SOS1: variants seen among roughly 807,000 people sequenced by gnomAD.
The protein encoded by SOS1 is SOS Ras/Rac guanine nucleotide exchange factor 1.
Under a neutral mutation model 157.6 loss-of-function variants are expected in SOS1, and 25 were observed. The ratio of observed to expected loss-of-function variants is 0.16; its 90% CI spans 0.12 to 0.22. The LOEUF is 0.22. Ranked by LOEUF, SOS1 falls within the 10% of genes least tolerant of loss-of-function variation. The pLI, the probability that SOS1 is intolerant of heterozygous loss-of-function variation, is 1.00. For missense variants in SOS1, 1,237 were observed against 1,599.1 expected, an observed-to-expected ratio of 0.77 and a Z score of 3.86; for synonymous variants, 528 against 534.0, an observed-to-expected ratio of 0.99 and a Z score of 0.16.
chr2:39,063,497 C>A (rs773661630), intron 2 of SOS1, among the ~76,000 whole-genome samples: 13 of 152,154 alleles, frequency 8.5e-5, no homozygotes, highest in Non-Finnish European at 1.9e-4. Flanking sequence ...TGCAACACTG[C>A]CTGATGGTAA....
chr2:38,994,550 T>A (rs1197852748), intron 20 of SOS1, among the ~76,000 whole-genome samples: 1 of 152,224 alleles, frequency 6.6e-6, no homozygotes, highest in African/African-American at 2.4e-5. Flanking sequence ...TAAGTATCCT[T>A]TATCTGAAAT....
intron 1 of SOS1, among the ~76,000 whole-genome samples, chr2:39,096,130 A>G (rs1460855860): frequency 6.6e-6 from 1 of 152,226 alleles, no homozygotes; most frequent in Non-Finnish European, 1.5e-5. Flanking sequence ...GAACATCTAC[A>G]AGCTATAACC....
intron 1 of SOS1, among the ~76,000 whole-genome samples, chr2:39,069,216 A>G (rs1671706209): frequency 6.9e-6 from 1 of 144,020 alleles, no homozygotes; most frequent in Admixed American, 6.9e-5. Flanking sequence ...AAAAAAAAAA[A>G]AAAAAAAAGC....
At chr2:39,073,993 T>C (rs185905082) in intron 1 of SOS1, among the ~76,000 whole-genome samples, 18 of 152,324 alleles carry the variant, frequency 1.2e-4, no homozygotes, top group Non-Finnish European at 4.4e-5. Context: ...TTTGATGCTT[T>C]AGGTGCTTAT....
chr2:39,120,992 A>ACCG lies in SOS1; in HGVS notation c.-573_-571dup, dbSNP rs898169157. On this transcript the variant is annotated 5_prime_UTR_variant, in exon 1 of 23. Transcript: ENST00000402219. Reference sequence around the variant, plus strand: ...AGGTGCCGCCGCGGCCGCCGCCGCCACCGCCGCCGCCGGTGTAGCGCTGGA... The same window carrying ACCG: ...AGGTGCCGCCGCGGCCGCCGCCGCCACCGCCGCCGCCGCCGGTGTAGCGCTGGA... 5.1e-5 allele frequency: 9 copies of ACCG among 175,796 alleles called. No homozygotes were observed. Among genetic ancestry groups the ACCG allele is most frequent in the Non-Finnish European group, 7.0e-5 (6 of 86,068 alleles). The allele number at this position is 175,796 out of a possible 1,614,324, so 10.9% of individuals were successfully genotyped here. A position where few individuals can be genotyped will look rare whatever the true frequency, so the allele number is the denominator to read the frequency against.
intron 9 of SOS1, among the ~76,000 whole-genome samples, chr2:39,023,474 T>G (rs1048459634): frequency 5.9e-5 from 9 of 152,056 alleles, no homozygotes; most frequent in African/African-American, 2.2e-4. Flanking sequence ...TACAAAATGA[T>G]TATTTCTATC....
chr2:39,039,732 C>A (rs545286024), intron 6 of SOS1, among the ~76,000 whole-genome samples: 14 of 152,250 alleles, frequency 9.2e-5, no homozygotes, highest in African/African-American at 3.4e-4. Context: ...TTTAGTTTAA[C>A]AGAATTGTGC....
At position 39,010,599 on chromosome 2, in the gene SOS1, G is replaced by A; in HGVS notation, c.2495C>T (p.Thr832Ile). 1 of 1,609,656 alleles carries A rather than the reference G, an allele frequency of 6.2e-7. No homozygotes were observed. Among genetic ancestry groups the A allele is most frequent in the Non-Finnish European group, 8.5e-7 (1 of 1,175,962 alleles). ...LKMIRHTTNL[T>I]LWFEKCIVET... ...GAATACTTACTTCTCAAACCACAGA[G>A]TGAGGTTGGTGGTATGTCGAATCAT... is the stretch of plus-strand genomic sequence containing the variant. Residue 832 changes from threonine to isoleucine, a missense_variant, in exon 15 of 23, where the codon ACT (threonine) becomes ATT (isoleucine). Transcript: ENST00000402219.
chr2:39,071,693 T>C (rs1671799581), intron 1 of SOS1, among the ~76,000 whole-genome samples: 1 of 152,192 alleles, frequency 6.6e-6, no homozygotes, highest in Non-Finnish European at 1.5e-5. Context: ...GAAAGTATGA[T>C]TAAGTTTTTT....
intron 6 of SOS1, among the ~76,000 whole-genome samples, chr2:39,047,317 G>A (rs1210176019): frequency 6.6e-6 from 1 of 152,116 alleles, no homozygotes; most frequent in Non-Finnish European, 1.5e-5. Flanking sequence ...AACCTACTGT[G>A]AACATTCTTC....
chr2:39,114,302 T>C (rs1457563318), intron 1 of SOS1, among the ~76,000 whole-genome samples: 5 of 151,164 alleles, frequency 3.3e-5, no homozygotes, highest in African/African-American at 7.3e-5. Flanking sequence ...TCTTTTCTTT[T>C]TTTTTTTTCT....
At chr2:39,009,867 A>C (rs914210440) in intron 15 of SOS1, among the ~76,000 whole-genome samples, 1 of 152,228 alleles carries the variant, frequency 6.6e-6, no homozygotes, top group Non-Finnish European at 1.5e-5. Context: ...CAACCAGGCA[A>C]CCACTAAAAG....
intron 5 of SOS1, among the ~76,000 whole-genome samples, chr2:39,052,475 T>C (rs766242967): frequency 5.3e-5 from 8 of 152,200 alleles, no homozygotes; most frequent in Admixed American, 1.3e-4. Context: ...ACCCTTACTA[T>C]GCCTCACTCC....
chr2:39,047,544 G>A (rs1412835252), intron 6 of SOS1, among the ~76,000 whole-genome samples: 1 of 152,138 alleles, frequency 6.6e-6, no homozygotes, highest in East Asian at 1.9e-4. Context: ...GAGTAACAAT[G>A]CTGAGCATCT....
intron 6 of SOS1, among the ~76,000 whole-genome samples, chr2:39,039,689 C>T (rs1670489766): frequency 6.6e-6 from 1 of 152,182 alleles, no homozygotes; most frequent in South Asian, 2.1e-4. Context: ...AATACATTCA[C>T]TTCACCCATT....
rs1669302690 is a variant in SOS1 at position 39,007,064 on chromosome 2, T to C, written c.2640A>G (p.Ser880=). The change falls in exon 16 of 23, where the codon TCA becomes TCG. Residue 880 remains serine (S), a synonymous_variant. Coordinates refer to ENST00000402219, the MANE Select transcript of SOS1 (RefSeq NM_005633.4). The stretch of plus-strand genomic sequence containing the variant: ...TGTGGTCTAGTCTGTAAACAGGTGA[T>C]GAATTCATAGCACTGACAACCTCAA... ...GVLEVVSAMN[S]SPVYRLDHTF... 1 of 1,612,024 alleles carries C rather than the reference T, an allele frequency of 6.2e-7. No homozygotes were observed. Among genetic ancestry groups the C allele is most frequent in the Non-Finnish European group, 8.5e-7 (1 of 1,178,356 alleles).
rs771062367 is a variant in SOS1 at position 39,006,545 on chromosome 2, A to G, written c.2674-16T>C. 2 of 1,273,866 alleles carry G rather than the reference A, an allele frequency of 1.6e-6. No homozygotes were observed. The highest frequency in any genetic ancestry group is 1.7e-5 in the Admixed American group (1 of 59,500). 78.9% of individuals were successfully genotyped at this position (1,273,866 alleles called of 1,614,324 possible). Reference sequence around the variant, plus strand: ...TTGGTATTTGCTATAAGGAAAAAAAATAGGCGTAAGTTTACAAAAGGAATC... The same window carrying G: ...TTGGTATTTGCTATAAGGAAAAAAAGTAGGCGTAAGTTTACAAAAGGAATC... On this transcript the variant is annotated splice_polypyrimidine_tract_variant and intron_variant, in intron 16 of 22. Transcript: ENST00000402219.
intron 17 of SOS1, among the ~76,000 whole-genome samples, chr2:38,998,799 TGAG>T (rs1210827843): frequency 6.6e-6 from 1 of 152,168 alleles, no homozygotes. Context: ...TACAATGCTT[TGAG>T]GAGAAAAAAG....
intron 8 of SOS1, among the ~76,000 whole-genome samples, chr2:39,030,344 C>T (rs531419336): frequency 7.7e-4 from 117 of 151,648 alleles, no homozygotes; most frequent in African/African-American, 2.3e-3. Flanking sequence ...TGGGAAGATC[C>T]CTTGAGCCCA....
Sources: allele counts gnomAD v4.1 joint callset (sites outside exome capture counted in the v4.1 genomes callset), GRCh38; gene constraint gnomAD v4.1.1; transcripts MANE v1.5; gene names NCBI Gene and HGNC (gene_info 2026-07-23, HGNC 2026-07-21).